ERGIC2: variants seen among roughly 807,000 people sequenced by gnomAD.
ERGIC2 encodes the protein ERGIC and golgi 2.
A neutral mutation model predicts 52.5 loss-of-function variants in ERGIC2; 31 were observed. The observed-to-expected ratio is 0.59, with a 90% CI of 0.44 to 0.80. The LOEUF (loss-of-function observed/expected upper bound fraction) is 0.80, where lower values mean the gene tolerates loss of function less well. ERGIC2 is among the 30% of genes least tolerant of loss of function. ERGIC2 has a pLI of 0.00. For synonymous variants in ERGIC2, 129 were observed against 140.6 expected, an observed-to-expected ratio of 0.92 and a Z score of 0.58; for missense variants, 395 against 455.2, an observed-to-expected ratio of 0.87 and a Z score of 1.20.
chr12:29,348,995 G>A (rs531182096), intron 10 of ERGIC2, 84 bp downstream of exon 10: 2 of 652,900 alleles, frequency 3.1e-6, no homozygotes, highest in Non-Finnish European at 5.3e-6. Flanking sequence ...CAGTAGTTAG[G>A]AAGACATTAA....
intron 1 of ERGIC2, among the ~76,000 whole-genome samples, chr12:29,375,601 G>A (rs1940504156): frequency 6.6e-6 from 1 of 152,140 alleles, no homozygotes; most frequent in Non-Finnish European, 1.5e-5. Context: ...TTATATAAAT[G>A]TTATATTTGT....
At chr12:29,342,989 T>C (rs1949849699) in intron 12 of ERGIC2, 131 bp downstream of exon 12, 1 of 665,628 alleles carries the variant, frequency 1.5e-6, no homozygotes, top group African/African-American at 1.8e-5. Context: ...TTTTGGAGTT[T>C]TGTAATTAAA....
At position 29,340,503 on chromosome 12, in the gene ERGIC2, T is replaced by A. The variant is rs945355344; in HGVS notation, c.*653A>T. 4 of 162,154 alleles carry A rather than the reference T, an allele frequency of 2.5e-5. No homozygotes were observed. The highest frequency in any genetic ancestry group is 1.9e-4 in the Admixed American group (3 of 15,858). The allele number at this position is 162,154 out of a possible 1,614,324, so 10.0% of individuals were successfully genotyped here. ...TATCTGCCCCTGTGAGAATTTACCTTAGTCTTCTAAGACTCTATCTTCAAC... is the reference window on the plus strand; with the variant it reads ...TATCTGCCCCTGTGAGAATTTACCTAAGTCTTCTAAGACTCTATCTTCAAC... On this transcript the variant is annotated 3_prime_UTR_variant, in exon 14 of 14. Coordinates refer to ENST00000360150, the MANE Select transcript of ERGIC2 (RefSeq NM_016570.3).
At chr12:29,355,163 A>T (rs1028199133) in intron 8 of ERGIC2, among the ~76,000 whole-genome samples, 2 of 152,098 alleles carry the variant, frequency 1.3e-5, no homozygotes, top group African/African-American at 4.8e-5. Flanking sequence ...TCCTCAATAA[A>T]GTCTCCACTG....
intron 13 of ERGIC2, 70 bp downstream of exon 13, chr12:29,341,661 CCAT>C: frequency 1.2e-6 from 1 of 807,542 alleles, no homozygotes. Flanking sequence ...GTGTGAGCCA[CCAT>C]GACTGGCTCA....
chr12:29,340,187 T>C lies in ERGIC2; in HGVS notation c.*969A>G, dbSNP rs1013611324. 2.0e-5 allele frequency: 3 copies of C among 152,148 alleles called. No homozygotes were observed. Among genetic ancestry groups the C allele is most frequent in the Non-Finnish European group, 4.4e-5 (3 of 67,992 alleles). 9.4% of individuals were successfully genotyped at this position (152,148 alleles called of 1,614,324 possible). On this transcript the variant is annotated 3_prime_UTR_variant, in exon 14 of 14. Coordinates refer to ENST00000360150, the MANE Select transcript of ERGIC2 (RefSeq NM_016570.3). ...CATGGCACCTCTCAAATCTGATATA[T>C]CTTGTGGTGCTTACAATTTGCCTTA...
intron 1 of ERGIC2, among the ~76,000 whole-genome samples, chr12:29,379,057 A>T (rs1485613854): frequency 4.6e-5 from 7 of 152,222 alleles, no homozygotes; most frequent in Non-Finnish European, 1.0e-4. Flanking sequence ...TTAGGATGGC[A>T]TAAACTGATA....
intron 8 of ERGIC2, among the ~76,000 whole-genome samples, chr12:29,352,171 C>T (rs969314129): frequency 2.0e-5 from 3 of 151,990 alleles, no homozygotes; most frequent in African/African-American, 7.2e-5. Flanking sequence ...CACCAAAGTA[C>T]AAAGTAATGA....
chr12:29,368,793 C>T (rs1041829843), intron 3 of ERGIC2, among the ~76,000 whole-genome samples: 2 of 151,856 alleles, frequency 1.3e-5, no homozygotes, highest in African/African-American at 2.4e-5. Flanking sequence ...CTGGTGTTCA[C>T]GGTAGTGTAA....
rs1288947723 is a variant in ERGIC2, at chr12:29,338,344, G to A, written c.*2812C>T. On this transcript the variant is annotated 3_prime_UTR_variant, in exon 14 of 14. Transcript: ENST00000360150. Reference sequence around the variant, plus strand: ...GTGTGATATTAATCATCTAACTTGAGAACTAGAAGTAATTTGGGTGCCAGG... The same window carrying A: ...GTGTGATATTAATCATCTAACTTGAAAACTAGAAGTAATTTGGGTGCCAGG... The A allele has an allele frequency of 1.3e-5, 2 of 151,698 alleles. No individual in the cohort carries two copies. The highest frequency in any genetic ancestry group is 2.9e-5 in the Non-Finnish European group (2 of 67,908). The allele number at this position is 151,698 out of a possible 1,614,324, so 9.4% of individuals were successfully genotyped here. A position where few individuals can be genotyped will look rare whatever the true frequency, so the allele number is the denominator to read the frequency against.
intron 13 of ERGIC2, 70 bp from the exon 14 acceptor site, chr12:29,341,288 CA>C: frequency 8.0e-7 from 1 of 1,251,040 alleles, no homozygotes; most frequent in Non-Finnish European, 1.1e-6. Flanking sequence ...CCTCTAAACA[CA>C]AGGTTTTATT....
At chr12:29,351,623 A>G (rs10082956) in intron 8 of ERGIC2, among the ~76,000 whole-genome samples, 58,284 of 151,952 alleles carry the variant, frequency 0.38, 12,747 homozygotes, top group African/African-American at 0.61. Flanking sequence ...CTCATCTACC[A>G]GAACACTCTT....
At chr12:29,351,236 A>G (rs908504650) in intron 8 of ERGIC2, among the ~76,000 whole-genome samples, 1 of 152,142 alleles carries the variant, frequency 6.6e-6, no homozygotes, top group South Asian at 2.1e-4. Context: ...TACAAAATCA[A>G]TTCAAATATT....
At chr12:29,349,990 A>G (rs373369156) in intron 9 of ERGIC2, 23 bp downstream of exon 9, 153 of 1,528,464 alleles carry the variant, frequency 1.0e-4, no homozygotes, top group Admixed American at 6.9e-4. Flanking sequence ...ATCTTTACTG[A>G]AAAAAAGTCA....
Position 29,343,104 on chromosome 12 carries a change from G to A in ERGIC2, c.988+16C>T. 6.4e-7 allele frequency: 1 copy of A among 1,559,486 alleles called. No homozygotes were observed. The highest frequency in any genetic ancestry group is 2.3e-5 in the East Asian group (1 of 43,386). On this transcript the variant is annotated intron_variant, in intron 12 of 13. Transcript: ENST00000360150. ...AACACTTTCAGAAATTAGACAAAAAGGAAATGGTTGTTAACCTGTTGTTGA... is the reference window on the plus strand; with the variant it reads ...AACACTTTCAGAAATTAGACAAAAAAGAAATGGTTGTTAACCTGTTGTTGA...
In ERGIC2 at chr12:29,350,053, AG is replaced by A. The variant is rs1379647697; in HGVS notation, c.587del (p.Pro196LeufsTer22). On this transcript the variant is annotated frameshift_variant, in exon 9 of 14. Transcript: ENST00000360150. LOFTEE classifies it high-confidence loss of function. ...GTGCTGCCAAATGTGCATGACCACG[AG>A]GATGTGGAATTGCCCTGAAAGGAGA... The part of the protein sequence containing the change: ...HITVGKAIPH[P>X]RGHAHLAALV... The A allele has an allele frequency of 6.2e-7, 1 of 1,605,596 alleles. No individual in the cohort carries two copies.
chr12:29,378,363 A>G lies in ERGIC2; in HGVS notation c.-38+2752T>C, dbSNP rs546918315. Among the ~76,000 whole-genome samples, 22 of 152,250 alleles carry G rather than the reference A, an allele frequency of 1.4e-4. No homozygotes were observed. The South Asian group carries it at 3.7e-3, about 26-fold the overall frequency. On this transcript the variant is annotated intron_variant, in intron 1 of 13. Coordinates refer to ENST00000360150, the MANE Select transcript of ERGIC2 (RefSeq NM_016570.3). ...CAGACTTCTAGCCTCCAGAACTGTG[A>G]GAGAATAAATTTCTTTTGTTTTAAG... is the stretch of plus-strand genomic sequence containing the variant.
chr12:29,367,949 CA>C (rs1340698990), intron 4 of ERGIC2, among the ~76,000 whole-genome samples: 3 of 151,470 alleles, frequency 2.0e-5, no homozygotes, highest in Non-Finnish European at 3.0e-5. Flanking sequence ...GTACTCCAAA[CA>C]AAAAAAGACA....
At chr12:29,345,390 A>G in intron 11 of ERGIC2, 53 bp downstream of exon 11, 1 of 1,042,832 alleles carries the variant, frequency 9.6e-7, no homozygotes. Flanking sequence ...GAAACTTTAA[A>G]ATGCTTTTTT....
Sources: allele counts gnomAD v4.1 joint callset (sites outside exome capture counted in the v4.1 genomes callset), GRCh38; gene constraint gnomAD v4.1.1; transcripts MANE v1.5; gene names NCBI Gene and HGNC (gene_info 2026-07-23, HGNC 2026-07-21).